ARK2N: variants seen among roughly 807,000 people sequenced by gnomAD.
ARK2N encodes protein ARK2N.
chr18:46,174,014 G>C, the ARK2N span: 1 of 152,342 alleles, frequency 6.6e-6, no homozygotes, highest in Non-Finnish European at 1.5e-5. Context: ...GCCGACGCGG[G>C]CTCTGTGTTT....
chr18:46,266,657 G>A, the ARK2N span: 1 of 152,660 alleles, frequency 6.6e-6, no homozygotes, highest in Non-Finnish European at 1.5e-5. Flanking sequence ...GTTAGCCATT[G>A]TATGGCTAGG....
chr18:46,176,669 A>C, the ARK2N span, among the ~76,000 whole-genome samples: 4 of 150,604 alleles, frequency 2.7e-5, no homozygotes, highest in African/African-American at 9.8e-5. Flanking sequence ...CTTGTTGCCC[A>C]GGCTGGAGTG....
At chr18:46,183,832 A>T in the ARK2N span, among the ~76,000 whole-genome samples, 9 of 151,796 alleles carry the variant, frequency 5.9e-5, no homozygotes, top group South Asian at 2.1e-4. Context: ...TTTTAAAAAA[A>T]TTTTTTTCTG....
chr18:46,262,985 C>T, the ARK2N span: 139 of 1,614,142 alleles, frequency 8.6e-5, no homozygotes, highest in African/African-American at 1.5e-3. Context: ...AAGCATGGCT[C>T]GGGCACGCAG....
the ARK2N span, among the ~76,000 whole-genome samples, chr18:46,211,894 ATACTGCTAGC>A: frequency 2.6e-5 from 4 of 152,206 alleles, no homozygotes; most frequent in Non-Finnish European, 5.9e-5. Flanking sequence ...ATATCATTTT[ATACTGCTAGC>A]TACTTGACTG....
chr18:46,263,067 A>G, the ARK2N span: 2 of 1,614,176 alleles, frequency 1.2e-6, no homozygotes, highest in South Asian at 2.2e-5. Flanking sequence ...CACCAGCAGA[A>G]GTTGTTGACC....
chr18:46,219,571 G>C, the ARK2N span, among the ~76,000 whole-genome samples: 1 of 151,776 alleles, frequency 6.6e-6, no homozygotes, highest in East Asian at 1.9e-4. Context: ...CCAGGTTCAA[G>C]CGATTCTCCT....
chr18:46,217,449 A>G, the ARK2N span: 3 of 152,216 alleles, frequency 2.0e-5, no homozygotes, highest in African/African-American at 7.2e-5. Flanking sequence ...ATGGCATTGA[A>G]TAGGTCATGG....
chr18:46,225,727 T>C, the ARK2N span, among the ~76,000 whole-genome samples: 5 of 152,234 alleles, frequency 3.3e-5, no homozygotes, highest in African/African-American at 1.2e-4. Flanking sequence ...CCCAAAGTGC[T>C]GGGATTACAG....
At chr18:46,232,822 T>C in the ARK2N span, 1 of 152,212 alleles carries the variant, frequency 6.6e-6, no homozygotes, top group Non-Finnish European at 1.5e-5. Context: ...AACTTTAAGA[T>C]TTGGGAAGAA....
chr18:46,191,104 C>T, the ARK2N span, among the ~76,000 whole-genome samples: 2 of 151,988 alleles, frequency 1.3e-5, no homozygotes, highest in African/African-American at 2.4e-5. Flanking sequence ...TATTTTCAGC[C>T]AGGCTTTCCT....
chr18:46,180,318 G>T, the ARK2N span, among the ~76,000 whole-genome samples: 29 of 152,302 alleles, frequency 1.9e-4, no homozygotes, highest in Admixed American at 6.5e-4. Context: ...AAATCTATCA[G>T]CAGGGACTTA....
the ARK2N span, among the ~76,000 whole-genome samples, chr18:46,208,184 C>A: frequency 6.6e-6 from 1 of 152,162 alleles, no homozygotes; most frequent in East Asian, 1.9e-4. Flanking sequence ...CTGGTTCTTT[C>A]ACTTTCCTAG....
At chr18:46,176,593 C>T in the ARK2N span, among the ~76,000 whole-genome samples, 761 of 151,806 alleles carry the variant, frequency 5.0e-3, 8 homozygotes, top group African/African-American at 0.017. Flanking sequence ...TAGCTGAGAC[C>T]ACAGGCTCAC....
chr18:46,204,966 C>G, the ARK2N span, among the ~76,000 whole-genome samples: 33 of 147,606 alleles, frequency 2.2e-4, 1 homozygote, highest in Middle Eastern at 3.6e-3. Flanking sequence ...TATTTTGAGA[C>G]AGAGTCTTGC....
chr18:46,191,794 C>A, the ARK2N span, among the ~76,000 whole-genome samples: 1 of 152,154 alleles, frequency 6.6e-6, no homozygotes, highest in Non-Finnish European at 1.5e-5. Flanking sequence ...GTAGTTTGGC[C>A]TAAAAATCCT....
chr18:46,183,291 T>C, the ARK2N span, among the ~76,000 whole-genome samples: 2 of 152,174 alleles, frequency 1.3e-5, no homozygotes, highest in African/African-American at 4.8e-5. Context: ...TTCCTTTGGA[T>C]TTCTGTGGTG....
At chr18:46,241,488 G>A in the ARK2N span, among the ~76,000 whole-genome samples, 6 of 152,248 alleles carry the variant, frequency 3.9e-5, no homozygotes, top group East Asian at 3.9e-4. Context: ...TTGGGAGGCC[G>A]ACGTGGGAGG....
chr18:46,228,010 T>C, the ARK2N span, among the ~76,000 whole-genome samples: 1 of 152,238 alleles, frequency 6.6e-6, no homozygotes, highest in Non-Finnish European at 1.5e-5. Context: ...AGTATGATTT[T>C]TCAGTATAAA....
Sources: gnomAD v4.1 joint callset for allele counts (sites outside exome capture counted in the v4.1 genomes callset) on GRCh38, gnomAD v4.1.1 for gene constraint, MANE v1.5 for transcripts, NCBI Gene and HGNC (gene_info 2026-07-23, HGNC 2026-07-21) for gene names.